AGMO: variants seen among roughly 807,000 people sequenced by gnomAD.
AGMO encodes alkylglycerol monooxygenase, also known as glyceryl-ether monooxygenase.
AGMO carries 75 observed loss-of-function variants against 60.2 expected under a neutral mutation model. That is an observed-to-expected ratio of 1.25 (90% CI 1.03 to 1.51). AGMO has a LOEUF of 1.51. Among genes scored for constraint, AGMO ranks in the 40% most tolerant of loss-of-function variants. The pLI, the probability that AGMO is intolerant of heterozygous loss-of-function variation, is 0.00. For synonymous variants in AGMO, 261 were observed against 177.1 expected (o/e 1.47, Z -3.76); for missense variants, 763 against 525.5 (o/e 1.45, Z -4.42).
At chr7:15,400,495 C>T (rs2128489476) in intron 5 of AGMO, among the ~76,000 whole-genome samples, 1 of 152,196 alleles carries the variant, frequency 6.6e-6, no homozygotes, top group Non-Finnish European at 1.5e-5. Flanking sequence ...TGCTCTAGAC[C>T]TTTACTGTTC....
chr7:15,326,739 T>A (rs1013612119), intron 12 of AGMO, among the ~76,000 whole-genome samples: 2 of 152,186 alleles, frequency 1.3e-5, no homozygotes, highest in African/African-American at 4.8e-5. Context: ...AATGGCTAAC[T>A]TGGTACAAAC....
chr7:15,322,985 ATTTTT>A (rs1255647218), intron 12 of AGMO, among the ~76,000 whole-genome samples: 3 of 79,902 alleles, frequency 3.8e-5, no homozygotes, highest in South Asian at 4.1e-4. Context: ...ATATGTATTT[ATTTTT>A]TATTTTTTCC....
the AGMO span, among the ~76,000 whole-genome samples, chr7:15,152,207 AAC>A: frequency 6.6e-6 from 1 of 152,132 alleles, no homozygotes; most frequent in Non-Finnish European, 1.5e-5. Flanking sequence ...TAAAAATAGC[AAC>A]ACTCTTTTTT....
intron 12 of AGMO, among the ~76,000 whole-genome samples, chr7:15,203,024 C>A (rs1428927121): frequency 6.6e-6 from 1 of 152,114 alleles, no homozygotes; most frequent in Non-Finnish European, 1.5e-5. Context: ...GCAACTAATA[C>A]ATACCTTGTG....
At chr7:15,160,791 G>C in the AGMO span, among the ~76,000 whole-genome samples, 1 of 152,234 alleles carries the variant, frequency 6.6e-6, no homozygotes, top group South Asian at 2.1e-4. Flanking sequence ...CTATTGCTGT[G>C]AAAGTATTTT....
At chr7:15,445,352 G>A (rs1389917828) in intron 3 of AGMO, among the ~76,000 whole-genome samples, 3 of 152,104 alleles carry the variant, frequency 2.0e-5, no homozygotes, top group African/African-American at 4.8e-5. Flanking sequence ...CTATAATGAT[G>A]AGATAGCTCT....
At chr7:15,499,942 T>A (rs1298113646) in intron 3 of AGMO, among the ~76,000 whole-genome samples, 19 of 148,836 alleles carry the variant, frequency 1.3e-4, no homozygotes, top group Admixed American at 9.5e-4. Context: ...CATATATATA[T>A]ATAATATATA....
rs369055305 is a variant in AGMO at position 15,538,574 on chromosome 7, T to A, written c.409+6198A>T. Among the ~76,000 whole-genome samples the A allele has an allele frequency of 7.9e-5, 12 of 152,192 alleles. No homozygotes were observed. In the South Asian group the frequency reaches 2.3e-3, roughly 29 times the overall value. On this transcript the variant is annotated intron_variant, in intron 3 of 12. Coordinates refer to ENST00000342526, the MANE Select transcript of AGMO (RefSeq NM_001004320.2). ...ATTTTTAAAATAAAGAATGTCATAA[T>A]GTATAGCAAAGAGTTACAAAAATCT...
At chr7:15,553,631 G>A (rs1785042173) in intron 2 of AGMO, among the ~76,000 whole-genome samples, 1 of 151,952 alleles carries the variant, frequency 6.6e-6, no homozygotes, top group Non-Finnish European at 1.5e-5. Context: ...GTCAACTCCA[G>A]TGAAAATGGA....
At chr7:15,352,382 C>T (rs1247077192) in intron 12 of AGMO, among the ~76,000 whole-genome samples, 3 of 152,002 alleles carry the variant, frequency 2.0e-5, no homozygotes, top group Non-Finnish European at 4.4e-5. Context: ...ATCACAGTCT[C>T]ACAACTACAA....
At chr7:15,320,345 A>T (rs1361412456) in intron 12 of AGMO, among the ~76,000 whole-genome samples, 2 of 152,080 alleles carry the variant, frequency 1.3e-5, no homozygotes, top group African/African-American at 4.8e-5. Flanking sequence ...AAATTTTCAC[A>T]GTAGCCACAG....
the AGMO span, among the ~76,000 whole-genome samples, chr7:15,157,561 G>A: frequency 6.6e-6 from 1 of 151,986 alleles, no homozygotes; most frequent in African/African-American, 2.4e-5. Flanking sequence ...AGTGAACCCC[G>A]ATCCCACACT....
chr7:15,189,753 C>T, the AGMO span, among the ~76,000 whole-genome samples: 32 of 151,412 alleles, frequency 2.1e-4, 1 homozygote, highest in East Asian at 5.7e-3. Flanking sequence ...TGTCTTCGAG[C>T]GCTGAGATGT....
chr7:15,493,577 G>A (rs1168135665), intron 3 of AGMO, among the ~76,000 whole-genome samples: 1 of 151,298 alleles, frequency 6.6e-6, no homozygotes, highest in Non-Finnish European at 1.5e-5. Flanking sequence ...GGGTTTCACT[G>A]TGTTAGCCAG....
intron 12 of AGMO, among the ~76,000 whole-genome samples, chr7:15,308,911 G>C (rs1244391270): frequency 1.3e-5 from 2 of 152,108 alleles, no homozygotes; most frequent in African/African-American, 2.4e-5. Context: ...CAATTTGTTA[G>C]ACTTCAAAGT....
chr7:15,176,967 G>C, the AGMO span, among the ~76,000 whole-genome samples: 1 of 151,926 alleles, frequency 6.6e-6, no homozygotes, highest in Admixed American at 6.6e-5. Flanking sequence ...ACATGACCAA[G>C]ACATGTCATT....
chr7:15,365,031 G>A (rs1001699585), intron 12 of AGMO, among the ~76,000 whole-genome samples: 4 of 152,026 alleles, frequency 2.6e-5, no homozygotes, highest in East Asian at 3.9e-4. Context: ...CATCACAGAA[G>A]AACATATTTT....
At chr7:15,290,846 C>T (rs1264757201) in intron 12 of AGMO, among the ~76,000 whole-genome samples, 1 of 152,046 alleles carries the variant, frequency 6.6e-6, no homozygotes, top group African/African-American at 2.4e-5. Flanking sequence ...TACACTAGAC[C>T]ACCTGATTCA....
chr7:15,459,180 C>T (rs1782071153), intron 3 of AGMO, among the ~76,000 whole-genome samples: 1 of 152,102 alleles, frequency 6.6e-6, no homozygotes, highest in African/African-American at 2.4e-5. Context: ...CAGACACACA[C>T]ACGGGTTTCG....
Sources: gnomAD v4.1 joint callset for allele counts (sites outside exome capture counted in the v4.1 genomes callset) on GRCh38, gnomAD v4.1.1 for gene constraint, MANE v1.5 for transcripts, NCBI Gene and HGNC (gene_info 2026-07-23, HGNC 2026-07-21) for gene names.